The following SPAG17 variants were observed in gnomAD, a reference collection of about 807,000 sequenced individuals.
SPAG17 encodes sperm-associated antigen 17.
In SPAG17, 169 loss-of-function variants were observed where a neutral mutation model predicts 273.6. The observed-to-expected ratio is 0.62, with a 90% CI of 0.55 to 0.70. SPAG17 has a LOEUF of 0.70. SPAG17 is among the 30% of genes least tolerant of loss of function. The probability of loss-of-function intolerance (pLI) is 0.00; values close to 1 mark genes in which losing one functional copy is unlikely to be tolerated. For missense variants in SPAG17, 2,557 were observed against 2,627.8 expected, an observed-to-expected ratio of 0.97 and a Z score of 0.59; for synonymous variants, 825 against 873.2, an observed-to-expected ratio of 0.94 and a Z score of 0.97.
rs764659079 is a variant in SPAG17, at chr1:117,958,872, CCT to C, written c.*1-4825_*1-4824del. On this transcript the variant is annotated intron_variant, in intron 48 of 48. Transcript: ENST00000336338. Reference sequence around the variant, plus strand: ...CTAGAAGGGTTAAGTAGGGCTAGAACCTCTCTGCAACATGGCTGTGTTTTGTT... The same window carrying C: ...CTAGAAGGGTTAAGTAGGGCTAGAACCTCTGCAACATGGCTGTGTTTTGTT... The C allele has an allele frequency of 8.9e-6, 14 of 1,566,794 alleles. 1 individual carries two copies. In the East Asian group the frequency reaches 1.4e-4, roughly 15 times the overall value.
chr1:118,052,576 C>T (rs566568966), intron 20 of SPAG17, among the ~76,000 whole-genome samples: 19 of 151,966 alleles, frequency 1.3e-4, no homozygotes, highest in South Asian at 8.3e-4. Flanking sequence ...ATAATAACTA[C>T]GTGAGGTAAT....
intron 3 of SPAG17, among the ~76,000 whole-genome samples, chr1:118,142,604 T>A (rs1233943472): frequency 6.6e-6 from 1 of 152,242 alleles, no homozygotes; most frequent in Non-Finnish European, 1.5e-5. Flanking sequence ...AGCTAAACTT[T>A]ATGGACACTT....
chr1:118,092,940 A>T (rs775583923), intron 8 of SPAG17, among the ~76,000 whole-genome samples: 1 of 152,180 alleles, frequency 6.6e-6, no homozygotes, highest in African/African-American at 2.4e-5. Flanking sequence ...CATTGTACCA[A>T]GTGCTGACAA....
At chr1:118,176,730 C>A (rs547965819) in intron 1 of SPAG17, among the ~76,000 whole-genome samples, 1 of 152,274 alleles carries the variant, frequency 6.6e-6, no homozygotes, top group South Asian at 2.1e-4. Context: ...ACATTTCACT[C>A]AAATACTGCA....
intron 3 of SPAG17, among the ~76,000 whole-genome samples, chr1:118,134,649 AC>A (rs1250052194): frequency 6.6e-6 from 1 of 152,134 alleles, no homozygotes; most frequent in Non-Finnish European, 1.5e-5. Context: ...GGCCCCCCAT[AC>A]CTAAAGGATA....
intron 30 of SPAG17, among the ~76,000 whole-genome samples, chr1:118,008,778 C>T (rs889470623): frequency 1.3e-5 from 2 of 152,034 alleles, no homozygotes; most frequent in South Asian, 4.1e-4. Flanking sequence ...GTTTCAAGAC[C>T]TCGAACCATC....
chr1:118,044,775 C>G (rs1650168201), intron 20 of SPAG17, among the ~76,000 whole-genome samples: 1 of 152,084 alleles, frequency 6.6e-6, no homozygotes, highest in African/African-American at 2.4e-5. Context: ...GCAGCACCTC[C>G]CCCTTCATTC....
At chr1:118,010,326 C>A (rs1296088761) in intron 30 of SPAG17, among the ~76,000 whole-genome samples, 1 of 152,080 alleles carries the variant, frequency 6.6e-6, no homozygotes, top group African/African-American at 2.4e-5. Context: ...ACTACAGTAA[C>A]CAAAATGGCA....
intron 28 of SPAG17, among the ~76,000 whole-genome samples, chr1:118,021,621 G>C (rs1660504554): frequency 6.6e-6 from 1 of 152,046 alleles, no homozygotes; most frequent in South Asian, 2.1e-4. Flanking sequence ...TTAATAATTG[G>C]GGAAACTGTG....
At chr1:118,095,488 T>C (rs928754153) in intron 7 of SPAG17, among the ~76,000 whole-genome samples, 2 of 152,222 alleles carry the variant, frequency 1.3e-5, no homozygotes, top group Non-Finnish European at 2.9e-5. Flanking sequence ...CTGTGTCTTG[T>C]TGAACAAAAA....
At chr1:118,179,751 C>A (rs545498292) in intron 1 of SPAG17, among the ~76,000 whole-genome samples, 7 of 151,610 alleles carry the variant, frequency 4.6e-5, no homozygotes, top group Non-Finnish European at 8.9e-5. Context: ...TAGGAAAAAA[C>A]CCCAAATAAT....
chr1:118,055,647 G>T, intron 19 of SPAG17, 86 bp downstream of exon 19: 1 of 1,162,804 alleles, frequency 8.6e-7, no homozygotes, highest in Non-Finnish European at 1.2e-6. Context: ...TTTTAATATT[G>T]AAAATATTCA....
intron 20 of SPAG17, among the ~76,000 whole-genome samples, chr1:118,045,237 T>A (rs1055965674): frequency 6.6e-6 from 1 of 152,206 alleles, no homozygotes; most frequent in Non-Finnish European, 1.5e-5. Flanking sequence ...TGTCATGTTC[T>A]TCAGGATAGG....
chr1:118,012,621 C>T (rs1178615003), intron 29 of SPAG17, among the ~76,000 whole-genome samples: 1 of 152,162 alleles, frequency 6.6e-6, no homozygotes, highest in Admixed American at 6.5e-5. Flanking sequence ...AAGTAAGTAT[C>T]AGGGCATATT....
At chr1:118,132,930 C>T (rs982326408) in intron 3 of SPAG17, among the ~76,000 whole-genome samples, 1 of 152,062 alleles carries the variant, frequency 6.6e-6, no homozygotes, top group Non-Finnish European at 1.5e-5. Flanking sequence ...TGCCACCATA[C>T]CCAGCTATTT....
At chr1:118,042,689 T>G (rs555667685) in intron 20 of SPAG17, among the ~76,000 whole-genome samples, 4 of 152,196 alleles carry the variant, frequency 2.6e-5, no homozygotes, top group Non-Finnish European at 5.9e-5. Flanking sequence ...TCTCCTAGGG[T>G]GTAGGCCAAG....
chr1:118,180,798 T>G (rs1362350697), intron 1 of SPAG17, among the ~76,000 whole-genome samples: 1 of 152,018 alleles, frequency 6.6e-6, no homozygotes, highest in Non-Finnish European at 1.5e-5. Context: ...GGATGCTAGA[T>G]AGTAGCTGAA....
At chr1:117,967,956 TCA>T (rs1183112005) in intron 46 of SPAG17, among the ~76,000 whole-genome samples, 1 of 152,232 alleles carries the variant, frequency 6.6e-6, no homozygotes, top group Non-Finnish European at 1.5e-5. Flanking sequence ...GGAAAATGTT[TCA>T]CAGTTTTTTC....
chr1:117,984,065 C>G (rs1052105986), intron 41 of SPAG17, 152 bp from the exon 42 acceptor site: 16 of 511,004 alleles, frequency 3.1e-5, no homozygotes, highest in African/African-American at 2.8e-4. Context: ...ACTGATTAAC[C>G]CAATTCTAGC....
Sources: allele counts gnomAD v4.1 joint callset (sites outside exome capture counted in the v4.1 genomes callset), GRCh38; gene constraint gnomAD v4.1.1; transcripts MANE v1.5; gene names NCBI Gene and HGNC (gene_info 2026-07-23, HGNC 2026-07-21).